The following STAU2 variants were observed in gnomAD, a reference collection of about 807,000 sequenced individuals.
STAU2 encodes staufen double-stranded RNA binding protein 2.
A neutral mutation model predicts 65.9 loss-of-function variants in STAU2; 20 were observed. The observed-to-expected ratio is 0.30, with a 90% CI of 0.21 to 0.44. STAU2 has a LOEUF of 0.44. Among genes scored for constraint, STAU2 ranks in the 20% least tolerant of loss-of-function variants. STAU2 has a pLI of 1.00. For missense variants in STAU2, 558 were observed against 683.9 expected (o/e 0.82, Z 2.05); for synonymous variants, 232 against 233.9 (o/e 0.99, Z 0.07).
chr8:73,585,202 T>C (rs547937735), intron 11 of STAU2, among the ~76,000 whole-genome samples: 2 of 152,346 alleles, frequency 1.3e-5, no homozygotes, highest in South Asian at 2.1e-4. Flanking sequence ...TACAATTGGC[T>C]GGATGTGGTG....
intron 4 of STAU2, among the ~76,000 whole-genome samples, chr8:73,701,722 G>A (rs1243819516): frequency 2.0e-5 from 3 of 152,052 alleles, no homozygotes; most frequent in Non-Finnish European, 2.9e-5. Context: ...CAGCAATCCC[G>A]CTGCTGGGTA....
intron 9 of STAU2, among the ~76,000 whole-genome samples, chr8:73,613,241 A>G (rs570311890): frequency 6.6e-6 from 1 of 152,300 alleles, no homozygotes; most frequent in South Asian, 2.1e-4. Flanking sequence ...TATTAGTCAC[A>G]TGATTTTTTT....
At chr8:73,694,091 T>G (rs530261259) in intron 4 of STAU2, among the ~76,000 whole-genome samples, 64 of 152,320 alleles carry the variant, frequency 4.2e-4, no homozygotes, top group Non-Finnish European at 9.3e-4. Context: ...GTAAAGACTA[T>G]TACCAGTGGT....
At chr8:73,483,383 T>C (rs534998767) in intron 13 of STAU2, among the ~76,000 whole-genome samples, 1 of 152,250 alleles carries the variant, frequency 6.6e-6, no homozygotes, top group South Asian at 2.1e-4. Context: ...CCTTAAAATA[T>C]GTGATTTATA....
At position 73,514,518 on chromosome 8, in the gene STAU2, T is replaced by A. The variant is rs527572362; in HGVS notation, c.1530+37494A>T. Among the ~76,000 whole-genome samples the A allele has an allele frequency of 3.8e-4, 58 of 152,322 alleles. 2 individuals are homozygous for A. The South Asian group carries it at 0.011, about 29-fold the overall frequency. On this transcript the variant is annotated intron_variant, in intron 13 of 14. Transcript: ENST00000524300. ...CAAGTTGAGTTTTTCTATCCCCACA[T>A]ATTCTTTGTCAACTTCCATTTTTCT...
At chr8:73,746,987 AGCACGCCCGGCCGGCGC>A (rs1319827380), upstream of STAU2, 2 of 530,502 alleles carry the variant, frequency 3.8e-6, no homozygotes, top group African/African-American at 2.1e-5. Context: ...CCCGCGCCCC[AGCACGCCCGGCCGGCGC>A]GCGCGCCCGG....
At chr8:73,622,995 C>T (rs1813376281) in intron 6 of STAU2, among the ~76,000 whole-genome samples, 1 of 152,134 alleles carries the variant, frequency 6.6e-6, no homozygotes, top group African/African-American at 2.4e-5. Flanking sequence ...TCTTCCTTTC[C>T]TTTAGATCCC....
chr8:73,483,804 C>T (rs4738374), intron 13 of STAU2, among the ~76,000 whole-genome samples: 77,978 of 151,934 alleles, frequency 0.51, 20,307 homozygotes, highest in Admixed American at 0.63. Flanking sequence ...GTGATTGATA[C>T]GCAGGACTTG....
chr8:73,716,631 T>C (rs1821269322), intron 3 of STAU2, among the ~76,000 whole-genome samples: 1 of 151,402 alleles, frequency 6.6e-6, no homozygotes, highest in African/African-American at 2.4e-5. Context: ...TGATTTTAAT[T>C]TGCATCTCCC....
chr8:73,471,175 T>C lies in STAU2; in HGVS notation c.1531-48473A>G, dbSNP rs866760064. On this transcript the variant is annotated intron_variant, in intron 13 of 14. Transcript: ENST00000524300. ...ATTTTCTGACATTCTAATTCTCTCT[T>C]TTTTTTTTTTTTTTTGAGACAGAGT... is the stretch of plus-strand genomic sequence containing the variant. 6.7e-3 allele frequency among the ~76,000 whole-genome samples: 967 copies of C among 143,272 alleles called. 17 individuals carry two copies. The highest frequency in any genetic ancestry group is 0.022 in the African/African-American group (861 of 38,416). 94.0% of individuals were successfully genotyped at this position (143,272 alleles called of 152,430 possible). A position where few individuals can be genotyped will look rare whatever the true frequency, so the allele number is the denominator to read the frequency against.
intron 13 of STAU2, among the ~76,000 whole-genome samples, chr8:73,480,585 T>G (rs1000508125): frequency 6.6e-6 from 1 of 152,092 alleles, no homozygotes; most frequent in African/African-American, 2.4e-5. Context: ...AGTGGACATG[T>G]CAAATTAATA....
At chr8:73,689,382 C>T (rs1819167992) in intron 4 of STAU2, among the ~76,000 whole-genome samples, 1 of 152,204 alleles carries the variant, frequency 6.6e-6, no homozygotes, top group Admixed American at 6.5e-5. Context: ...CAACTGGATC[C>T]AGCCTTTCAT....
intron 13 of STAU2, among the ~76,000 whole-genome samples, chr8:73,540,364 A>G (rs1227353377): frequency 6.6e-6 from 1 of 152,232 alleles, no homozygotes; most frequent in Non-Finnish European, 1.5e-5. Flanking sequence ...ACAAAAAGCT[A>G]GAAAAGAGGC....
intron 1 of STAU2, among the ~76,000 whole-genome samples, chr8:73,744,762 C>G (rs1273656486): frequency 6.6e-6 from 1 of 151,964 alleles, no homozygotes; most frequent in Admixed American, 6.6e-5. Context: ...TTAAATGGTC[C>G]AGGGGAAAAA....
At chr8:73,513,204 A>AAT (rs1822512225) in intron 13 of STAU2, among the ~76,000 whole-genome samples, 1 of 151,966 alleles carries the variant, frequency 6.6e-6, no homozygotes, top group African/African-American at 2.4e-5. Context: ...TTGTTTATTA[A>AAT]GTTGCCTAAA....
intron 3 of STAU2, among the ~76,000 whole-genome samples, chr8:73,717,910 A>G (rs1349282768): frequency 6.6e-6 from 1 of 152,234 alleles, no homozygotes; most frequent in Non-Finnish European, 1.5e-5. Context: ...CAGTTCTATA[A>G]AAAAGCCTGC....
chr8:73,439,365 C>G, intron 13 of STAU2: 2 of 253,624 alleles, frequency 7.9e-6, no homozygotes, highest in East Asian at 1.2e-4. Context: ...GCCTGTAATC[C>G]CAGCACTTTG....
rs192057462 is a variant in STAU2, at chr8:73,507,788, T to C, written c.1530+44224A>G. ...TGTTTAGTGTAACTACAGTCTTCAA[T>C]GATCTTAGCCAGATCTTCTGGATAA... On this transcript the variant is annotated intron_variant, in intron 13 of 14. Transcript: ENST00000524300. Among the ~76,000 whole-genome samples the C allele has an allele frequency of 2.6e-4, 40 of 152,354 alleles. No homozygotes were observed. The East Asian group carries it at 7.7e-3, about 29-fold the overall frequency.
At chr8:73,610,636 C>T (rs1275005506) in intron 9 of STAU2, among the ~76,000 whole-genome samples, 1 of 151,842 alleles carries the variant, frequency 6.6e-6, no homozygotes, top group African/African-American at 2.4e-5. Flanking sequence ...TTAAGTTATT[C>T]CTTGGACAGC....
Sources: allele counts gnomAD v4.1 joint callset (sites outside exome capture counted in the v4.1 genomes callset), GRCh38; gene constraint gnomAD v4.1.1; transcripts MANE v1.5; gene names NCBI Gene and HGNC (gene_info 2026-07-23, HGNC 2026-07-21).